KCNT1: variants seen among roughly 807,000 people sequenced by gnomAD.
KCNT1 encodes the protein potassium channel subfamily T member 1.
Under a neutral mutation model 147.8 loss-of-function variants are expected in KCNT1, and 78 were observed. That is an observed-to-expected ratio of 0.53 (90% CI 0.44 to 0.64). The LOEUF is 0.64. Among genes scored for constraint, KCNT1 ranks in the 30% least tolerant of loss-of-function variants. KCNT1 has a pLI of 0.00. For synonymous variants in KCNT1, 867 were observed against 748.8 expected (o/e 1.16, Z -2.58); for missense variants, 1,419 against 1,750.3 (o/e 0.81, Z 3.38).
intron 2 of KCNT1, among the ~76,000 whole-genome samples, chr9:135,726,680 CCTCT>C (rs748292462): frequency 1.1e-3 from 162 of 149,586 alleles, no homozygotes; most frequent in Non-Finnish European, 1.8e-3. Context: ...TCTCTCCTTC[CCTCT>C]CTCTCTCTCT....
At chr9:135,708,224 GCA>G (rs1835335004) in intron 1 of KCNT1, among the ~76,000 whole-genome samples, 1 of 152,166 alleles carries the variant, frequency 6.6e-6, no homozygotes, top group African/African-American at 2.4e-5. Flanking sequence ...CCATGTGCAT[GCA>G]CACATATGTC....
intron 1 of KCNT1, among the ~76,000 whole-genome samples, chr9:135,705,563 G>A (rs1159819104): frequency 6.6e-6 from 1 of 152,206 alleles, no homozygotes; most frequent in African/African-American, 2.4e-5. Context: ...AGGCAGGCTG[G>A]GCTCAGCGTG....
intron 2 of KCNT1, among the ~76,000 whole-genome samples, chr9:135,727,169 CT>C (rs1249678790): frequency 2.2e-3 from 81 of 37,426 alleles, no homozygotes; most frequent in Non-Finnish European, 3.7e-3. Flanking sequence ...TCCCTCCCCC[CT>C]TTCTCCCTCT....
Position 135,774,173 on chromosome 9 carries a change from CGTGTGTGTGATGTGTGTCTGAGTGGTATT to C in KCNT1, c.2244-1129_2244-1101del, listed in dbSNP as rs1210799166. ...TGTCTGGGTGTGTGTGGTATGTGTC[CGTGTGTGTGATGTGTGTCTGAGTGGTATT>C]GTGTGTGGTATGTGGTGTCTGTGTG... On this transcript the variant is annotated intron_variant, in intron 19 of 30. Transcript: ENST00000371757. Among the ~76,000 whole-genome samples, 4 of 142,740 alleles carry C rather than the reference CGTGTGTGTGATGTGTGTCTGAGTGGTATT, an allele frequency of 2.8e-5. No individual in the cohort carries two copies. The East Asian group carries it at 8.6e-4, about 31-fold the overall frequency. The allele number at this position is 142,740 out of a possible 152,430, so 93.6% of individuals were successfully genotyped here.
Position 135,765,780 on chromosome 9 carries a change from G to A in KCNT1, c.1337+20G>A. 1 of 1,578,020 alleles carries A rather than the reference G, an allele frequency of 6.3e-7. No individual in the cohort carries two copies. Among genetic ancestry groups the A allele is most frequent in the Non-Finnish European group, 8.7e-7 (1 of 1,155,654 alleles). On this transcript the variant is annotated intron_variant, in intron 13 of 30. Transcript: ENST00000371757. ...AGCCAAGTGAGTGCTGGTGGGCGGAGGGGGTGGCATGGGGGCACCTTCCTG... is the reference window on the plus strand; with the variant it reads ...AGCCAAGTGAGTGCTGGTGGGCGGAAGGGGTGGCATGGGGGCACCTTCCTG...
chr9:135,746,465 C>T (rs1830838953), intron 2 of KCNT1, among the ~76,000 whole-genome samples: 1 of 152,224 alleles, frequency 6.6e-6, no homozygotes, highest in Non-Finnish European at 1.5e-5. Flanking sequence ...CAGCCCTCGA[C>T]CCCACGGTGT....
chr9:135,783,185 T>C (rs1833739328), intron 24 of KCNT1, among the ~76,000 whole-genome samples: 1 of 152,232 alleles, frequency 6.6e-6, no homozygotes, highest in Non-Finnish European at 1.5e-5. Flanking sequence ...GAAGGGCCTC[T>C]GCAGATGGGA....
intron 12 of KCNT1, 74 bp from the exon 13 acceptor site, chr9:135,765,550 C>A: frequency 6.7e-7 from 1 of 1,494,406 alleles, no homozygotes. Flanking sequence ...GGCACAAACA[C>A]AGTCCTGAAG....
chr9:135,716,025 T>C (rs1287477263), intron 2 of KCNT1, among the ~76,000 whole-genome samples: 3 of 152,236 alleles, frequency 2.0e-5, no homozygotes, highest in Non-Finnish European at 4.4e-5. Flanking sequence ...TTTATCTCCC[T>C]GTGTGGGCAG....
chr9:135,727,689 C>T (rs950848931), intron 2 of KCNT1, among the ~76,000 whole-genome samples: 1 of 152,348 alleles, frequency 6.6e-6, no homozygotes, highest in Middle Eastern at 3.4e-3. Flanking sequence ...CTCTGCATCC[C>T]GGCCCCCAGC....
chr9:135,795,080 T>C lies in KCNT1; in HGVS notation c.*2919T>C, dbSNP rs1261466124. 2 of 152,230 alleles carry C rather than the reference T, an allele frequency of 1.3e-5. No homozygotes were observed. The highest frequency in any genetic ancestry group is 4.8e-5 in the African/African-American group (2 of 41,446). 9.4% of individuals were successfully genotyped at this position (152,230 alleles called of 1,614,324 possible). On this transcript the variant is annotated 3_prime_UTR_variant, in exon 31 of 31. Transcript: ENST00000371757. ...AAACATACAAAATGAGTGAGACACC[T>C]GCTATTTTCCTTATTCCTGTTTTTT... is the stretch of plus-strand genomic sequence containing the variant.
chr9:135,765,995 C>T (rs1832248894), intron 13 of KCNT1, among the ~76,000 whole-genome samples: 1 of 151,032 alleles, frequency 6.6e-6, no homozygotes, highest in Non-Finnish European at 1.5e-5. Context: ...CTGGGATGGA[C>T]CATTTAGGTG....
At chr9:135,783,938 C>A in intron 24 of KCNT1, 86 bp from the exon 25 acceptor site, 1 of 945,226 alleles carries the variant, frequency 1.1e-6, no homozygotes, top group Non-Finnish European at 1.7e-6. Context: ...ATGTACGGTG[C>A]ACACACAGTG....
In KCNT1 at chr9:135,790,761, C is replaced by T. The variant is rs550801798; in HGVS notation, c.3503-1036C>T. On this transcript the variant is annotated intron_variant, in intron 29 of 30. Coordinates refer to ENST00000371757, the MANE Select transcript of KCNT1 (RefSeq NM_020822.3). ...AGGGTGGAGGCTCCCTGGGGTCCCC[C>T]GTCCTGGGTCACCTTTGTTCTCTGT... 7.0e-4 allele frequency: 107 copies of T among 152,600 alleles called. 1 individual carries two copies. The highest frequency in any genetic ancestry group is 2.2e-3 in the African/African-American group (90 of 41,594). 9.5% of individuals were successfully genotyped at this position (152,600 alleles called of 1,614,324 possible). A position where few individuals can be genotyped will look rare whatever the true frequency, so the allele number is the denominator to read the frequency against.
chr9:135,759,113 C>T (rs979347369), intron 10 of KCNT1, among the ~76,000 whole-genome samples: 3 of 152,242 alleles, frequency 2.0e-5, no homozygotes, highest in Non-Finnish European at 4.4e-5. Context: ...AGACACAGAG[C>T]TGAGTGGGCA....
intron 13 of KCNT1, among the ~76,000 whole-genome samples, chr9:135,766,365 G>A (rs185761431): frequency 6.8e-4 from 104 of 151,838 alleles, no homozygotes; most frequent in African/African-American, 1.9e-3. Flanking sequence ...GGATCTCTAG[G>A]GTGGACCATC....
chr9:135,734,281 GGCCCCA>G (rs1337058907), intron 2 of KCNT1, among the ~76,000 whole-genome samples: 2 of 152,168 alleles, frequency 1.3e-5, no homozygotes, highest in African/African-American at 2.4e-5. Context: ...CCGAGCCTGG[GGCCCCA>G]GCCCACCTTC....
At chr9:135,709,880 C>CA (rs1835419541) in intron 1 of KCNT1, among the ~76,000 whole-genome samples, 2 of 152,166 alleles carry the variant, frequency 1.3e-5, no homozygotes, top group African/African-American at 4.8e-5. Context: ...GGGGTTTCAC[C>CA]ATGTTAGCCA....
Position 135,784,519 on chromosome 9 carries a change from C to T in KCNT1, c.2944-16C>T, listed in dbSNP as rs1833876544. 1.3e-6 allele frequency: 1 copy of T among 741,678 alleles called. No individual in the cohort carries two copies. The highest frequency in any genetic ancestry group is 2.2e-6 in the Non-Finnish European group (1 of 461,152). 45.9% of individuals were successfully genotyped at this position (741,678 alleles called of 1,614,324 possible). Reference sequence around the variant, plus strand: ...CCTCCCTCCCTCCCTCCCTCCCTCCCTCCCTCCCTGGCCAGTCCTTCGTGA... The same window carrying T: ...CCTCCCTCCCTCCCTCCCTCCCTCCTTCCCTCCCTGGCCAGTCCTTCGTGA... On this transcript the variant is annotated splice_polypyrimidine_tract_variant and intron_variant, in intron 25 of 30. Transcript: ENST00000371757.
Sources: gnomAD v4.1 joint callset for allele counts (sites outside exome capture counted in the v4.1 genomes callset) on GRCh38, gnomAD v4.1.1 for gene constraint, MANE v1.5 for transcripts, NCBI Gene and HGNC (gene_info 2026-07-23, HGNC 2026-07-21) for gene names.